SPICE1: variants seen among roughly 807,000 people sequenced by gnomAD.
SPICE1 encodes spindle and centriole-associated protein 1.
SPICE1 carries 75 observed loss-of-function variants against 102.7 expected under a neutral mutation model. The ratio of observed to expected loss-of-function variants is 0.73; its 90% CI spans 0.61 to 0.88. The LOEUF (loss-of-function observed/expected upper bound fraction) is 0.88. Ranked by LOEUF, SPICE1 falls within the 40% of genes least tolerant of loss-of-function variation. The pLI is 0.00. For synonymous variants in SPICE1, 308 were observed against 350.3 expected (o/e 0.88, Z 1.35); for missense variants, 979 against 1,020.1 (o/e 0.96, Z 0.55).
chr3:113,458,493 C>T lies in SPICE1; in HGVS notation c.1436-1136G>A, dbSNP rs148702729. Among the ~76,000 whole-genome samples, 1,353 of 152,336 alleles carry T rather than the reference C, an allele frequency of 8.9e-3. 24 individuals are homozygous for T. Among genetic ancestry groups the T allele is most frequent in the African/African-American group, 0.031 (1,286 of 41,578 alleles). On this transcript the variant is annotated intron_variant, in intron 12 of 17. Coordinates refer to ENST00000295872, the MANE Select transcript of SPICE1 (RefSeq NM_144718.4). ...CCTCCCGAGGTGCCGGGATTGCAGA[C>T]GGAGTCTCGCTCACTCAGTGCTCAA...
Position 113,499,482 on chromosome 3 carries a change from T to C in SPICE1, c.248A>G (p.Glu83Gly), listed in dbSNP as rs897093716. 3 of 1,613,412 alleles carry C rather than the reference T, an allele frequency of 1.9e-6. No individual in the cohort carries two copies. The highest frequency in any genetic ancestry group is 1.7e-5 in the Admixed American group (1 of 59,990). Residue 83 changes from glutamate to glycine, a missense_variant, in exon 4 of 18, where the codon GAA (glutamate) becomes GGA (glycine). Transcript: ENST00000295872. ...TCTTCTTTTCTCAAGATTTAAAGTT[T>C]CTGGTTTCTGCTTCCTCCATTTTCT... Reference protein sequence around the residue: ...LKRKWRKQKPETLNLEKRRLS... With the variant: ...LKRKWRKQKPGTLNLEKRRLS...
intron 7 of SPICE1, among the ~76,000 whole-genome samples, chr3:113,481,247 C>A (rs1936494041): frequency 6.6e-6 from 1 of 151,886 alleles, no homozygotes; most frequent in South Asian, 2.1e-4. Context: ...TTCATAAAAA[C>A]AAAGAATAAC....
intron 14 of SPICE1, among the ~76,000 whole-genome samples, chr3:113,451,096 C>G (rs1031506903): frequency 6.6e-6 from 1 of 152,138 alleles, no homozygotes; most frequent in African/African-American, 2.4e-5. Flanking sequence ...AAAAGAGGAT[C>G]TGCTATCTTG....
At chr3:113,447,254 ATGGAAAGATGAG>A (rs1935539636) in intron 16 of SPICE1, among the ~76,000 whole-genome samples, 1 of 152,190 alleles carries the variant, frequency 6.6e-6, no homozygotes, top group Admixed American at 6.5e-5. Context: ...TTTTAGGTTT[ATGGAAAGATGAG>A]TGGAAAGTAC....
intron 12 of SPICE1, chr3:113,459,735 A>G (rs11917149): frequency 0.037 from 26,607 of 712,404 alleles, 595 homozygotes; most frequent in East Asian, 0.11. Flanking sequence ...CACAAAAATC[A>G]GCCAGGTGTG....
At chr3:113,509,431 CATA>C (rs1937176246) in intron 1 of SPICE1, among the ~76,000 whole-genome samples, 1 of 143,250 alleles carries the variant, frequency 7.0e-6, no homozygotes, top group African/African-American at 2.7e-5. Flanking sequence ...CAGGAAAATA[CATA>C]AGAAGTATAA....
chr3:113,514,751 T>A, intron 1 of SPICE1, 146 bp downstream of exon 1: 5 of 1,288,468 alleles, frequency 3.9e-6, no homozygotes, highest in Non-Finnish European at 5.1e-6. Flanking sequence ...TCTCTCCTGC[T>A]ACACGGTGAA....
chr3:113,503,230 G>GT lies in SPICE1; in HGVS notation c.100-4dup. On this transcript the variant is annotated splice_polypyrimidine_tract_variant and splice_region_variant and intron_variant, in intron 2 of 17. Transcript: ENST00000295872. The stretch of plus-strand genomic sequence containing the variant: ...ACGGTTAGATCAGTCACGGTATTCT[G>GT]TAAAAAAAGGTGGCCTTTCTTTAAA... The GT allele has an allele frequency of 1.9e-6, 3 of 1,561,436 alleles. No individual in the cohort carries two copies. Among genetic ancestry groups the GT allele is most frequent in the Non-Finnish European group, 2.6e-6 (3 of 1,161,470 alleles).
chr3:113,497,444 G>A (rs952589510), intron 4 of SPICE1, among the ~76,000 whole-genome samples: 1 of 151,912 alleles, frequency 6.6e-6, no homozygotes. Flanking sequence ...ATATGCTAAT[G>A]GCCATCAAAA....
chr3:113,445,624 A>G (rs888960187), intron 17 of SPICE1, among the ~76,000 whole-genome samples: 1 of 152,182 alleles, frequency 6.6e-6, no homozygotes, highest in Non-Finnish European at 1.5e-5. Context: ...CATAGGCATA[A>G]ATTTTTAAAA....
intron 7 of SPICE1, among the ~76,000 whole-genome samples, chr3:113,472,257 G>A (rs1364905788): frequency 6.6e-6 from 1 of 152,244 alleles, no homozygotes; most frequent in Non-Finnish European, 1.5e-5. Flanking sequence ...GCCCAGGCTT[G>A]CTTAGGTAAA....
chr3:113,449,426 A>C (rs1424516456), intron 15 of SPICE1: 1 of 152,234 alleles, frequency 6.6e-6, no homozygotes, highest in Non-Finnish European at 1.5e-5. Context: ...AACTATGAAG[A>C]ACAGTAGACA....
At chr3:113,448,209 CT>C in intron 15 of SPICE1, 69 bp from the exon 16 acceptor site, 1 of 1,360,166 alleles carries the variant, frequency 7.4e-7, no homozygotes, top group Non-Finnish European at 1.0e-6. Context: ...CAATTTCTAT[CT>C]TACTGCAAAC....
At chr3:113,490,361 G>T (rs1936739449) in intron 6 of SPICE1, among the ~76,000 whole-genome samples, 2 of 152,070 alleles carry the variant, frequency 1.3e-5, no homozygotes, top group African/African-American at 4.8e-5. Context: ...CTCTATTCTG[G>T]CCAGACACAG....
chr3:113,463,844 AG>A (rs1416659248), intron 11 of SPICE1, among the ~76,000 whole-genome samples: 1 of 152,188 alleles, frequency 6.6e-6, no homozygotes, highest in African/African-American at 2.4e-5. Context: ...CAAGTCAGGC[AG>A]ATCACGAGGT....
In SPICE1 at chr3:113,494,114, T is replaced by C; in HGVS notation, c.320A>G (p.Asp107Gly). 6.2e-7 allele frequency: 1 copy of C among 1,611,852 alleles called. No homozygotes were observed. The highest frequency in any genetic ancestry group is 1.7e-5 in the Admixed American group (1 of 59,784). Residue 107 changes from aspartate (D) to glycine (G), a missense_variant, in exon 5 of 18, where the codon GAT becomes GGT. Physicochemically the swap from Asp to Gly is moderately conservative, Grantham distance 94. Transcript: ENST00000295872. ...EILSDQYQMQ[D>G]VLEKSDHLIA... ...TAGATGATCAGATTTCTCCAACACA[T>C]CTTGCATCTGGTATTGATCAGAAAG...
intron 1 of SPICE1, among the ~76,000 whole-genome samples, chr3:113,513,516 CT>C (rs1559980427): frequency 6.6e-6 from 1 of 152,166 alleles, no homozygotes; most frequent in African/African-American, 2.4e-5. Context: ...CAAAATACAG[CT>C]CATCATCATA....
chr3:113,503,222 G>C lies in SPICE1; in HGVS notation c.105C>G (p.Thr35=), dbSNP rs144535967. 1.3e-6 allele frequency: 2 copies of C among 1,576,204 alleles called. No homozygotes were observed. The highest frequency in any genetic ancestry group is 3.8e-5 in the Admixed American group (2 of 51,986). The part of the protein sequence containing the change: ...KTSVKQEWDN[T]VTDLTVHRAT... ...CCCGATGAACGGTTAGATCAGTCAC[G>C]GTATTCTGTAAAAAAAGGTGGCCTT... Residue 35 remains threonine (T), a synonymous_variant, in exon 3 of 18, where the codon ACC becomes ACG. Coordinates refer to ENST00000295872, the MANE Select transcript of SPICE1 (RefSeq NM_144718.4).
intron 1 of SPICE1, among the ~76,000 whole-genome samples, chr3:113,507,288 C>T (rs1196010947): frequency 6.6e-6 from 1 of 151,974 alleles, no homozygotes; most frequent in African/African-American, 2.4e-5. Flanking sequence ...ACACATTACA[C>T]CAAATTAGAA....
Sources: allele counts gnomAD v4.1 joint callset (sites outside exome capture counted in the v4.1 genomes callset), GRCh38; gene constraint gnomAD v4.1.1; transcripts MANE v1.5; gene names NCBI Gene and HGNC (gene_info 2026-07-23, HGNC 2026-07-21).